Variants in DCAF6 observed in about 807,000 individuals in gnomAD.
DCAF6 encodes DDB1 and CUL4 associated factor 6.
DCAF6 carries 54 observed loss-of-function variants against 125.1 expected under a neutral mutation model. The ratio of observed to expected loss-of-function variants is 0.43; its 90% CI spans 0.35 to 0.54. The LOEUF (loss-of-function observed/expected upper bound fraction) is 0.54, where lower values mean the gene tolerates loss of function less well. Ranked by LOEUF, DCAF6 falls within the 20% of genes least tolerant of loss-of-function variation. The pLI, the probability that DCAF6 is intolerant of heterozygous loss-of-function variation, is 0.01. For synonymous variants in DCAF6, 371 were observed against 390.4 expected, an observed-to-expected ratio of 0.95 and a Z score of 0.58; for missense variants, 934 against 1,161.7, an observed-to-expected ratio of 0.80 and a Z score of 2.85.
intron 7 of DCAF6, among the ~76,000 whole-genome samples, chr1:167,995,634 A>G (rs1681542425): frequency 1.3e-5 from 2 of 151,556 alleles, no homozygotes; most frequent in Non-Finnish European, 2.9e-5. Context: ...AGCCGAGATC[A>G]CGCCATTGCA....
intron 2 of DCAF6, among the ~76,000 whole-genome samples, chr1:167,964,799 ATT>A (rs1676148949): frequency 6.6e-6 from 1 of 150,794 alleles, no homozygotes; most frequent in Non-Finnish European, 1.5e-5. Flanking sequence ...AAGGTCAGAG[ATT>A]GTTTCCTCAA....
intron 4 of DCAF6, among the ~76,000 whole-genome samples, chr1:167,980,392 C>A (rs1678919236): frequency 6.7e-6 from 1 of 148,802 alleles, no homozygotes; most frequent in South Asian, 2.1e-4. Context: ...TTTGAGGACC[C>A]TCCATACTAT....
At chr1:167,890,928 C>T in the DCAF6 span, among the ~76,000 whole-genome samples, 1 of 152,122 alleles carries the variant, frequency 6.6e-6, no homozygotes. Flanking sequence ...TCCAAATCTC[C>T]AGACTCCTCA....
intron 12 of DCAF6, among the ~76,000 whole-genome samples, chr1:168,025,595 A>G (rs1291996834): frequency 6.6e-6 from 1 of 152,170 alleles, no homozygotes; most frequent in Non-Finnish European, 1.5e-5. Flanking sequence ...TCAGCATTAT[A>G]ACTTTTAAAG....
At chr1:168,039,198 A>C (rs1688193208) in intron 13 of DCAF6, among the ~76,000 whole-genome samples, 1 of 152,036 alleles carries the variant, frequency 6.6e-6, no homozygotes. Flanking sequence ...GATATTGCCA[A>C]ATTATTTCCA....
At chr1:167,916,496 C>T in the DCAF6 span, among the ~76,000 whole-genome samples, 399 of 152,250 alleles carry the variant, frequency 2.6e-3, 2 homozygotes, top group Non-Finnish European at 3.9e-3. Context: ...CGTGAGCCAC[C>T]GCACCTGGCC....
intron 1 of DCAF6, among the ~76,000 whole-genome samples, chr1:167,942,044 T>C (rs1672321798): frequency 6.6e-6 from 1 of 152,162 alleles, no homozygotes; most frequent in Non-Finnish European, 1.5e-5. Context: ...TGTAGAAATA[T>C]ATCATTGTTT....
chr1:167,873,852 T>G, the DCAF6 span, among the ~76,000 whole-genome samples: 1 of 152,182 alleles, frequency 6.6e-6, no homozygotes, highest in South Asian at 2.1e-4. Flanking sequence ...TTGATTACAT[T>G]AAAGTTAAGA....
the DCAF6 span, chr1:167,896,586 G>T: frequency 6.3e-7 from 1 of 1,598,744 alleles, no homozygotes; most frequent in East Asian, 2.2e-5. Flanking sequence ...TTCCATGGTG[G>T]GTACTTACTT....
chr1:167,928,265 G>C, the DCAF6 span, among the ~76,000 whole-genome samples: 1 of 151,174 alleles, frequency 6.6e-6, no homozygotes, highest in Non-Finnish European at 1.5e-5. Flanking sequence ...GGAGAATGGC[G>C]TGAAGCCGGG....
chr1:168,044,683 C>T lies in DCAF6; in HGVS notation c.1930+12C>T. ...CCATATCAATATAAGTGAGTTGCTC[C>T]CTTTAGATAATTGCTTTGTATGGGA... On this transcript the variant is annotated intron_variant, in intron 15 of 21. Transcript: ENST00000367840. The T allele has an allele frequency of 6.3e-7, 1 of 1,590,082 alleles. No individual in the cohort carries two copies. Among genetic ancestry groups the T allele is most frequent in the Non-Finnish European group, 8.6e-7 (1 of 1,159,094 alleles).
In DCAF6 at chr1:168,063,717, A is replaced by G. The variant is rs763591110; in HGVS notation, c.2397A>G (p.Leu799=). 1.0e-5 allele frequency: 16 copies of G among 1,606,206 alleles called. No homozygotes were observed. In the Admixed American group the frequency reaches 1.0e-4, roughly 10 times the overall value. The change falls in exon 18 of 22, where the codon CTA becomes CTG. Residue 799 remains leucine, a synonymous_variant. Transcript: ENST00000367840. ...ATACTTTGAACATTAGAAGGCCGCT[A>G]GTAAAAATGGTTTATAAAGGCCATC... is the stretch of plus-strand genomic sequence containing the variant. The part of the protein sequence containing the change: ...ELDTLNIRRP[L]VKMVYKGHRN...
chr1:168,051,181 C>A (rs1406618963), intron 17 of DCAF6, among the ~76,000 whole-genome samples: 2 of 152,166 alleles, frequency 1.3e-5, no homozygotes, highest in Non-Finnish European at 2.9e-5. Flanking sequence ...TGTCATATGG[C>A]AAAGTAACTA....
chr1:167,950,514 A>G (rs765300528), intron 1 of DCAF6, among the ~76,000 whole-genome samples: 21 of 152,272 alleles, frequency 1.4e-4, no homozygotes, highest in Non-Finnish European at 2.4e-4. Context: ...TTTAACTTAT[A>G]TGTTCATCCT....
Position 168,066,412 on chromosome 1 carries a change from A to T in DCAF6, c.2632A>T (p.Ile878Phe), listed in dbSNP as rs750535345. The T allele has an allele frequency of 2.5e-6, 4 of 1,609,744 alleles. No homozygotes were observed. The South Asian group carries it at 4.4e-5, about 18-fold the overall frequency. The change falls in exon 20 of 22, where the codon ATC becomes TTC. Residue 878 changes from isoleucine (I) to phenylalanine (F), a missense_variant. Physicochemically the swap from Ile to Phe is conservative, Grantham distance 21 (BLOSUM62 0). Coordinates refer to ENST00000367840, the MANE Select transcript of DCAF6 (RefSeq NM_001198956.2). ...ASSGIDYDIK[I>F]WSPLEESRIF... ...ATCTGGCATAGATTATGACATAAAG[A>T]TCTGGTCACCATTAGAAGAGTCAAG... is the stretch of plus-strand genomic sequence containing the variant.
chr1:167,901,883 T>G, the DCAF6 span: 1 of 1,601,584 alleles, frequency 6.2e-7, no homozygotes, highest in South Asian at 1.1e-5. Context: ...GTATAGAAAC[T>G]TACTCATCAA....
chr1:167,898,317 G>C, the DCAF6 span, among the ~76,000 whole-genome samples: 5 of 152,030 alleles, frequency 3.3e-5, no homozygotes, highest in African/African-American at 1.2e-4. Flanking sequence ...TGATTGAAGA[G>C]AGGCTGGGCG....
At chr1:167,880,251 G>T in the DCAF6 span, 1 of 1,402,472 alleles carries the variant, frequency 7.1e-7, no homozygotes, top group African/African-American at 1.4e-5. Flanking sequence ...CGTAGAGAAA[G>T]TGGGAAGGGT....
At chr1:167,999,390 G>A (rs938935712) in intron 7 of DCAF6, among the ~76,000 whole-genome samples, 3 of 152,140 alleles carry the variant, frequency 2.0e-5, no homozygotes, top group Non-Finnish European at 4.4e-5. Flanking sequence ...CACTGCATAA[G>A]CCCCTAACAA....
Sources: allele counts gnomAD v4.1 joint callset (sites outside exome capture counted in the v4.1 genomes callset), GRCh38; gene constraint gnomAD v4.1.1; transcripts MANE v1.5; gene names NCBI Gene and HGNC (gene_info 2026-07-23, HGNC 2026-07-21).